Variants in CDH18 observed in about 807,000 individuals in gnomAD.
CDH18 encodes cadherin 18, also known as cadherin-18.
In CDH18, 31 loss-of-function variants were observed where a neutral mutation model predicts 67.9. That is an observed-to-expected ratio of 0.46 (90% CI 0.34 to 0.62). The LOEUF (loss-of-function observed/expected upper bound fraction) is 0.62. Ranked by LOEUF, CDH18 falls within the 20% of genes least tolerant of loss-of-function variation. The pLI, the probability that CDH18 is intolerant of heterozygous loss-of-function variation, is 0.01. For missense variants in CDH18, 890 were observed against 975.5 expected, an observed-to-expected ratio of 0.91 and a Z score of 1.17; for synonymous variants, 362 against 347.2, an observed-to-expected ratio of 1.04 and a Z score of -0.48.
chr5:19,982,212 A>G (rs1322560255), intron 1 of CDH18, among the ~76,000 whole-genome samples: 1 of 152,132 alleles, frequency 6.6e-6, no homozygotes, highest in African/African-American at 2.4e-5. Flanking sequence ...TGCTAAGCTA[A>G]ATAGAACAAA....
At position 19,744,552 on chromosome 5, in the gene CDH18, G is replaced by A. The variant is rs572981210; in HGVS notation, c.523+2390C>T. On this transcript the variant is annotated intron_variant, in intron 4 of 12. Coordinates refer to ENST00000382275, the MANE Select transcript of CDH18 (RefSeq NM_004934.5). ...CACACACACACACATCTATTCCAGAGTTCACTGTTGATAACATTTTTCCTC... is the reference window on the plus strand; with the variant it reads ...CACACACACACACATCTATTCCAGAATTCACTGTTGATAACATTTTTCCTC... Among the ~76,000 whole-genome samples, 73 of 149,932 alleles carry A rather than the reference G, an allele frequency of 4.9e-4. 1 individual carries two copies. Among genetic ancestry groups the A allele is most frequent in the Admixed American group, 1.7e-3 (25 of 15,070 alleles).
intron 1 of CDH18, among the ~76,000 whole-genome samples, chr5:20,408,270 C>T (rs1033018829): frequency 2.5e-4 from 38 of 152,006 alleles, no homozygotes; most frequent in African/African-American, 9.2e-4. Context: ...GAAAACAATG[C>T]TCAAATTGAA....
intron 4 of CDH18, among the ~76,000 whole-genome samples, chr5:19,735,550 C>T (rs1561182292): frequency 2.0e-5 from 3 of 152,018 alleles, no homozygotes; most frequent in African/African-American, 4.8e-5. Context: ...CGCCCACCAC[C>T]ACGCCCGGCT....
Position 20,144,980 on chromosome 5 carries a change from G to C in CDH18, c.-518+110464C>G, listed in dbSNP as rs950485915. Among the ~76,000 whole-genome samples the C allele has an allele frequency of 2.0e-5, 3 of 152,030 alleles. No homozygotes were observed. The East Asian group carries it at 5.8e-4, about 29-fold the overall frequency. Reference sequence around the variant, plus strand: ...AACCTCCAGAAACCAGGGGAGAGGCGTCAGAAGGAAGAAATGCTCCTAATT... The same window carrying C: ...AACCTCCAGAAACCAGGGGAGAGGCCTCAGAAGGAAGAAATGCTCCTAATT... On this transcript the variant is annotated intron_variant, in intron 2 of 14. Transcript: ENST00000507958.
At chr5:19,789,461 C>T (rs1444464507) in intron 3 of CDH18, among the ~76,000 whole-genome samples, 2 of 152,056 alleles carry the variant, frequency 1.3e-5, no homozygotes, top group Non-Finnish European at 1.5e-5. Context: ...TTCAGTTCTT[C>T]CATGTTCCGC....
rs537968613 is a variant in CDH18, at chr5:20,442,604, C to A, written c.-580+132858G>T. On this transcript the variant is annotated intron_variant, in intron 1 of 14. Transcript: ENST00000507958. ...AGTCACCTCCTCTGAAAGTGTCATTCCTCATAAAATATTTAAAAAGGAGGA... is the reference window on the plus strand; with the variant it reads ...AGTCACCTCCTCTGAAAGTGTCATTACTCATAAAATATTTAAAAAGGAGGA... Among the ~76,000 whole-genome samples the A allele has an allele frequency of 4.6e-5, 7 of 151,868 alleles. No homozygotes were observed. The South Asian group carries it at 1.5e-3, about 32-fold the overall frequency.
At chr5:20,069,957 ACAGT>A (rs1169593916) in intron 2 of CDH18, among the ~76,000 whole-genome samples, 1 of 152,142 alleles carries the variant, frequency 6.6e-6, no homozygotes, top group Non-Finnish European at 1.5e-5. Flanking sequence ...TCAGTGTTGT[ACAGT>A]CTATGGGTGT....
intron 1 of CDH18, among the ~76,000 whole-genome samples, chr5:20,389,619 C>T (rs191203046): frequency 2.0e-5 from 3 of 152,036 alleles, no homozygotes; most frequent in Non-Finnish European, 4.4e-5. Context: ...ACTTTCTTCA[C>T]AGAATTGGGA....
intron 2 of CDH18, among the ~76,000 whole-genome samples, chr5:19,948,569 C>G (rs1404169639): frequency 6.6e-6 from 1 of 152,100 alleles, no homozygotes; most frequent in Non-Finnish European, 1.5e-5. Flanking sequence ...GAGGCTTGTG[C>G]TAGGGCAGTT....
intron 1 of CDH18, among the ~76,000 whole-genome samples, chr5:20,363,220 C>T (rs1200148609): frequency 6.6e-6 from 1 of 151,092 alleles, no homozygotes; most frequent in Non-Finnish European, 1.5e-5. Context: ...TGCAGTGGCT[C>T]ACGCCTGTAA....
At position 19,944,328 on chromosome 5, in the gene CDH18, G is replaced by A. The variant is rs191010971; in HGVS notation, c.-257+36732C>T. Among the ~76,000 whole-genome samples, 85 of 151,974 alleles carry A rather than the reference G, an allele frequency of 5.6e-4. 1 individual carries two copies. The highest frequency in any genetic ancestry group is 9.4e-4 in the Non-Finnish European group (64 of 67,930). On this transcript the variant is annotated intron_variant, in intron 2 of 12. Transcript: ENST00000382275. The stretch of plus-strand genomic sequence containing the variant: ...TATTCCACTTAATTTAACATTGAAG[G>A]GAACAAAGAAACTATATATTTAATT...
At chr5:19,649,062 C>A (rs76688856) in intron 5 of CDH18, among the ~76,000 whole-genome samples, 2,054 of 152,064 alleles carry the variant, frequency 0.014, 46 homozygotes, top group African/African-American at 0.047. Flanking sequence ...GGAAAGAAAT[C>A]GACATGGTAG....
rs146535358 is a variant in CDH18 at position 19,831,076 on chromosome 5, C to T, written c.228+7683G>A. 5.5e-3 allele frequency among the ~76,000 whole-genome samples: 832 copies of T among 152,128 alleles called. 6 individuals carry two copies. Among genetic ancestry groups the T allele is most frequent in the African/African-American group, 0.019 (807 of 41,528 alleles). On this transcript the variant is annotated intron_variant, in intron 3 of 12. Transcript: ENST00000382275. ...AGGAGGATGAGGATTGAAAAAGTAC[C>T]TATCAGGTACTATGCTTATTACCTG...
At chr5:20,048,367 A>C (rs1379548066) in intron 2 of CDH18, among the ~76,000 whole-genome samples, 1 of 151,674 alleles carries the variant, frequency 6.6e-6, no homozygotes, top group Non-Finnish European at 1.5e-5. Flanking sequence ...GAAAAAAAAT[A>C]TTTAGGAAGA....
At chr5:19,541,847 AT>A in intron 9 of CDH18, among the ~76,000 whole-genome samples, 1 of 152,162 alleles carries the variant, frequency 6.6e-6, no homozygotes, top group South Asian at 2.1e-4. Context: ...AACCCTCATA[AT>A]TTTTTTCTTG....
intron 5 of CDH18, among the ~76,000 whole-genome samples, chr5:19,664,104 T>A (rs1305249683): frequency 6.6e-6 from 1 of 151,944 alleles, no homozygotes; most frequent in African/African-American, 2.4e-5. Context: ...ATCATGTTAA[T>A]CTAATTATAA....
At chr5:19,779,659 A>G (rs906601946) in intron 3 of CDH18, among the ~76,000 whole-genome samples, 4 of 152,180 alleles carry the variant, frequency 2.6e-5, no homozygotes, top group Non-Finnish European at 5.9e-5. Context: ...CCAAAGTTGC[A>G]CATCTTACTT....
chr5:19,544,704 G>A (rs1277021017), intron 8 of CDH18, among the ~76,000 whole-genome samples: 4 of 152,074 alleles, frequency 2.6e-5, no homozygotes, highest in Non-Finnish European at 4.4e-5. Flanking sequence ...CTGGGCCTAG[G>A]TTTCATGAGA....
chr5:19,653,287 G>A (rs898082603), intron 5 of CDH18, among the ~76,000 whole-genome samples: 1 of 152,032 alleles, frequency 6.6e-6, no homozygotes, highest in Non-Finnish European at 1.5e-5. Flanking sequence ...CCCTGAGCTT[G>A]AGTCTTTTTT....
Sources: gnomAD v4.1 joint callset for allele counts (sites outside exome capture counted in the v4.1 genomes callset) on GRCh38, gnomAD v4.1.1 for gene constraint, MANE v1.5 for transcripts, NCBI Gene and HGNC (gene_info 2026-07-23, HGNC 2026-07-21) for gene names.